ACACA: variants seen among roughly 807,000 people sequenced by gnomAD.
ACACA encodes the protein acetyl-CoA carboxylase alpha.
In ACACA, 103 loss-of-function variants were observed where a neutral mutation model predicts 296.1. That is an observed-to-expected ratio of 0.35 (90% confidence interval 0.30 to 0.41). ACACA has a LOEUF of 0.41. ACACA is among the 10% of genes least tolerant of loss of function. ACACA has a pLI of 1.00. For missense variants in ACACA, 1,554 were observed against 2,989.7 expected (o/e 0.52, Z 11.20); for synonymous variants, 953 against 1,038.6 (o/e 0.92, Z 1.58).
At chr17:37,369,908 G>A (rs368806528) in intron 1 of ACACA, among the ~76,000 whole-genome samples, 2 of 151,788 alleles carry the variant, frequency 1.3e-5, no homozygotes, top group African/African-American at 2.4e-5. Flanking sequence ...GTTTCACCAC[G>A]TTGGCCAGGC....
In ACACA at chr17:37,330,203, C is replaced by T. The variant is rs768174844; in HGVS notation, c.308G>A (p.Ser103Asn). 1 of 1,614,198 alleles carries T rather than the reference C, an allele frequency of 6.2e-7. No homozygotes were observed. The highest frequency in any genetic ancestry group is 8.5e-7 in the Non-Finnish European group (1 of 1,180,032). Residue 103 changes from serine to asparagine, a missense_variant, in exon 3 of 56, where the codon AGC (serine) becomes AAC (asparagine). This residue lies in a region of ACACA where 140 missense variants were observed against 147.7 expected (regional missense o/e 0.95). Transcript: ENST00000616317. ...SDTLSDLGIS[S>N]LQDGLALHIR... ...GTGCAAGGCCAAGCCATCCTGTAGG[C>T]TAGAGATCCCCAAATCAGAGAGTGT...
intron 29 of ACACA, among the ~76,000 whole-genome samples, chr17:37,216,912 A>G (rs1374018662): frequency 6.6e-6 from 1 of 152,018 alleles, no homozygotes; most frequent in African/African-American, 2.4e-5. Flanking sequence ...ACCCCAACCT[A>G]TGGAGGCTAA....
chr17:37,105,898 C>A (rs1210071784), intron 52 of ACACA, among the ~76,000 whole-genome samples: 2 of 150,892 alleles, frequency 1.3e-5, no homozygotes, highest in Non-Finnish European at 3.0e-5. Flanking sequence ...AGAAAGAAAG[C>A]AATTTGCTTT....
intron 29 of ACACA, among the ~76,000 whole-genome samples, chr17:37,216,879 T>C (rs1028429597): frequency 5.3e-5 from 8 of 151,854 alleles, no homozygotes; most frequent in African/African-American, 1.9e-4. Flanking sequence ...TGCTGCCAGT[T>C]TGCAGACAGA....
At chr17:37,197,092 A>T (rs1001281204) in intron 35 of ACACA, among the ~76,000 whole-genome samples, 1 of 152,210 alleles carries the variant, frequency 6.6e-6, no homozygotes, top group Non-Finnish European at 1.5e-5. Context: ...ATCTCCATGC[A>T]GTGTCAACGG....
chr17:37,258,363 C>G lies in ACACA; in HGVS notation c.1511G>C (p.Gly504Ala). The change falls in exon 13 of 56, where the codon GGG becomes GCG. Residue 504 changes from glycine (G) to alanine (A), a missense_variant. Gly to Ala is a moderately conservative substitution (Grantham distance 60). Transcript: ENST00000616317. ...LPAAQLQIAM[G>A]IPLYRIKDIR... is the part of the protein sequence containing the mutation. ...ATCCTTGATTCTATATAGAGGAATCCCCATGGCAATCTGAAAGGTAATAAA... is the reference window on the plus strand; with the variant it reads ...ATCCTTGATTCTATATAGAGGAATCGCCATGGCAATCTGAAAGGTAATAAA... The G allele has an allele frequency of 2.5e-6, 4 of 1,613,902 alleles. No homozygotes were observed. The highest frequency in any genetic ancestry group is 3.4e-6 in the Non-Finnish European group (4 of 1,179,892).
chr17:37,232,169 T>C (rs371148579), intron 25 of ACACA, among the ~76,000 whole-genome samples: 10 of 152,322 alleles, frequency 6.6e-5, no homozygotes, highest in East Asian at 3.9e-4. Flanking sequence ...TCCCATGACA[T>C]TGACTCACGG....
At chr17:37,098,211 CA>C (rs2142738577) in intron 52 of ACACA, among the ~76,000 whole-genome samples, 1 of 152,342 alleles carries the variant, frequency 6.6e-6, no homozygotes, top group South Asian at 2.1e-4. Flanking sequence ...TTCCCTGTGG[CA>C]GTCACAAGTG....
chr17:37,395,294 G>A (rs1486497037), intron 1 of ACACA, among the ~76,000 whole-genome samples: 10 of 151,850 alleles, frequency 6.6e-5, no homozygotes, highest in African/African-American at 1.9e-4. Flanking sequence ...GTTGGGCATG[G>A]TGGCAGGCGC....
In ACACA at chr17:37,155,703, C is replaced by A; in HGVS notation, c.5427G>T (p.Val1809=). The change falls in exon 43 of 56, where the codon GTG becomes GTT. Residue 1809 remains valine (V), a synonymous_variant. Transcript: ENST00000616317. The part of the protein sequence containing the change: ...SALNSVHCEH[V]EDEGESRYKI... Reference sequence around the variant, plus strand: ...CCTACCTGGATTCTCCTTCATCTTCCACGTGTTCACAATGGACAGAGTTGA... The same window carrying A: ...CCTACCTGGATTCTCCTTCATCTTCAACGTGTTCACAATGGACAGAGTTGA... The A allele has an allele frequency of 6.2e-7, 1 of 1,609,778 alleles. No individual in the cohort carries two copies. Among genetic ancestry groups the A allele is most frequent in the Non-Finnish European group, 8.5e-7 (1 of 1,177,576 alleles).
intron 50 of ACACA, among the ~76,000 whole-genome samples, chr17:37,114,834 T>C (rs546576576): frequency 7.9e-5 from 12 of 152,240 alleles, no homozygotes; most frequent in Non-Finnish European, 1.5e-4. Context: ...AGGATCTCAA[T>C]TTGGAATAAA....
chr17:37,384,136 C>T (rs530771239), intron 1 of ACACA, among the ~76,000 whole-genome samples: 1 of 152,072 alleles, frequency 6.6e-6, no homozygotes, highest in Non-Finnish European at 1.5e-5. Context: ...TAGTGGTGTG[C>T]GCCTGTTGTC....
At chr17:37,355,935 G>A (rs2049120407) in intron 1 of ACACA, among the ~76,000 whole-genome samples, 1 of 152,014 alleles carries the variant, frequency 6.6e-6, no homozygotes, top group East Asian at 1.9e-4. Context: ...TTGGGAAGAT[G>A]AGGAGGGCGG....
chr17:37,232,129 G>A (rs2079889680), intron 25 of ACACA, among the ~76,000 whole-genome samples: 1 of 152,192 alleles, frequency 6.6e-6, no homozygotes, highest in Non-Finnish European at 1.5e-5. Flanking sequence ...TGGAGAGGAT[G>A]AAGGTACCTC....
intron 51 of ACACA, among the ~76,000 whole-genome samples, chr17:37,112,566 A>G (rs1240757120): frequency 1.3e-5 from 2 of 152,184 alleles, no homozygotes; most frequent in African/African-American, 4.8e-5. Context: ...TGAGTTTAGG[A>G]CTTAAAAAAT....
intron 1 of ACACA, among the ~76,000 whole-genome samples, chr17:37,350,628 T>C (rs1597677641): frequency 6.6e-6 from 1 of 151,976 alleles, no homozygotes; most frequent in African/African-American, 2.4e-5. Flanking sequence ...TCACCTGAGA[T>C]TGGGAGTTTG....
At chr17:37,103,001 AAT>A (rs1161026442) in intron 52 of ACACA, among the ~76,000 whole-genome samples, 1 of 152,212 alleles carries the variant, frequency 6.6e-6, no homozygotes, top group African/African-American at 2.4e-5. Flanking sequence ...TGAAGTGGAG[AAT>A]ATATGTGTTT....
chr17:37,246,428 AT>A (rs2080704876), intron 19 of ACACA, among the ~76,000 whole-genome samples: 3 of 150,132 alleles, frequency 2.0e-5, no homozygotes, highest in African/African-American at 4.9e-5. Context: ...TTTTTTTTTA[AT>A]TTTTTAGAAA....
chr17:37,088,705 G>A (rs1285674086), intron 55 of ACACA, among the ~76,000 whole-genome samples: 1 of 152,142 alleles, frequency 6.6e-6, no homozygotes, highest in Non-Finnish European at 1.5e-5. Context: ...TGGGCACAGT[G>A]AATTAAGCCT....
Sources: gnomAD v4.1 joint callset for allele counts (sites outside exome capture counted in the v4.1 genomes callset) on GRCh38, gnomAD v4.1.1 for gene constraint, gnomAD v4.1.1 regional missense constraint, MANE v1.5 for transcripts, NCBI Gene and HGNC (gene_info 2026-07-23, HGNC 2026-07-21) for gene names.